Variants in WDFY2 observed in about 807,000 individuals in gnomAD.
The protein encoded by WDFY2 is WD repeat and FYVE domain containing 2.
In WDFY2, 36 loss-of-function variants were observed where a neutral mutation model predicts 56.4. The observed-to-expected ratio is 0.64, with a 90% CI of 0.49 to 0.84. The LOEUF is 0.84. Among genes scored for constraint, WDFY2 ranks in the 40% least tolerant of loss-of-function variants. The pLI, the probability that WDFY2 is intolerant of heterozygous loss-of-function variation, is 0.00. For synonymous variants in WDFY2, 176 were observed against 183.7 expected (o/e 0.96, Z 0.34); for missense variants, 444 against 512.2 (o/e 0.87, Z 1.29).
intron 6 of WDFY2, among the ~76,000 whole-genome samples, chr13:51,731,222 C>G (rs1368382947): frequency 6.6e-6 from 1 of 152,190 alleles, no homozygotes; most frequent in East Asian, 1.9e-4. Context: ...CTAAAGTAAT[C>G]AGGCACTCAC....
intron 1 of WDFY2, among the ~76,000 whole-genome samples, chr13:51,601,666 TTGGCC>T (rs1047594274): frequency 4.7e-4 from 71 of 152,330 alleles, no homozygotes; most frequent in African/African-American, 1.7e-3. Flanking sequence ...TCCACCCGCC[TTGGCC>T]TCCCAACTAG....
At chr13:51,675,088 C>T (rs1955863710) in intron 2 of WDFY2, 82 bp from the exon 3 acceptor site, 1 of 1,278,110 alleles carries the variant, frequency 7.8e-7, no homozygotes, top group Non-Finnish European at 1.1e-6. Context: ...AGTACAGCCC[C>T]ACACTTTTAG....
chr13:51,737,545 T>G (rs1162372929), intron 6 of WDFY2, among the ~76,000 whole-genome samples: 1 of 37,442 alleles, frequency 2.7e-5, no homozygotes, highest in African/African-American at 1.2e-4. Context: ...CAGGAGACAA[T>G]GAATTTAAAA....
intron 3 of WDFY2, among the ~76,000 whole-genome samples, chr13:51,681,995 G>C (rs1407724268): frequency 6.6e-6 from 1 of 152,180 alleles, no homozygotes; most frequent in Non-Finnish European, 1.5e-5. Flanking sequence ...GATACCAAGA[G>C]CATTTTTTGA....
At chr13:51,728,937 C>T (rs1247845477) in intron 6 of WDFY2, among the ~76,000 whole-genome samples, 1 of 152,116 alleles carries the variant, frequency 6.6e-6, no homozygotes, top group Non-Finnish European at 1.5e-5. Flanking sequence ...AGACTTCAGC[C>T]TCCTCATCCT....
At position 51,762,373 on chromosome 13, in the gene WDFY2, C is replaced by A. The variant is rs1480951369; in HGVS notation, c.*2604C>A. The A allele has an allele frequency of 6.6e-6, 1 of 152,298 alleles. No individual in the cohort carries two copies. The highest frequency in any genetic ancestry group is 2.4e-5 in the African/African-American group (1 of 41,472). The allele number at this position is 152,298 out of a possible 1,614,324, so 9.4% of individuals were successfully genotyped here. ...CTCCCTCCCAGCCCACAGAGCCACT[C>A]AGAGGCTGAAGCCACTTCACAGCCC... On this transcript the variant is annotated 3_prime_UTR_variant, in exon 12 of 12. Transcript: ENST00000298125.
At chr13:51,677,772 C>G (rs1013606053) in intron 3 of WDFY2, among the ~76,000 whole-genome samples, 1 of 151,950 alleles carries the variant, frequency 6.6e-6, no homozygotes, top group Admixed American at 6.6e-5. Context: ...AGTGTGAGTA[C>G]TGGAGCAAGA....
chr13:51,668,115 G>A (rs1175604746), intron 2 of WDFY2, among the ~76,000 whole-genome samples: 2 of 151,784 alleles, frequency 1.3e-5, no homozygotes, highest in South Asian at 2.1e-4. Flanking sequence ...TCCTGACTTC[G>A]TGATGCACCT....
chr13:51,751,225 C>T (rs1953227695), intron 7 of WDFY2, 85 bp from the exon 8 acceptor site: 1 of 1,317,868 alleles, frequency 7.6e-7, no homozygotes, highest in African/African-American at 1.5e-5. Context: ...TGAGTGAGCA[C>T]ATTGGCTGAC....
chr13:51,733,282 C>A (rs1593460377), intron 6 of WDFY2, among the ~76,000 whole-genome samples: 1 of 152,194 alleles, frequency 6.6e-6, no homozygotes, highest in African/African-American at 2.4e-5. Context: ...GGTGATCCGC[C>A]CACTTCAGCC....
At chr13:51,633,069 T>C (rs1954982826) in intron 1 of WDFY2, among the ~76,000 whole-genome samples, 1 of 152,210 alleles carries the variant, frequency 6.6e-6, no homozygotes, top group Non-Finnish European at 1.5e-5. Context: ...GGGCAGACTT[T>C]GTCTTTGTTC....
At chr13:51,696,850 G>T (rs989897217) in intron 3 of WDFY2, among the ~76,000 whole-genome samples, 1 of 152,186 alleles carries the variant, frequency 6.6e-6, no homozygotes, top group Non-Finnish European at 1.5e-5. Context: ...TACATAAAAT[G>T]CAGAACTTCC....
Position 51,763,794 on chromosome 13 carries a change from A to C in WDFY2, c.*4025A>C, listed in dbSNP as rs1239456496. The C allele has an allele frequency of 6.6e-6, 1 of 152,162 alleles. No homozygotes were observed. Among genetic ancestry groups the C allele is most frequent in the Non-Finnish European group, 1.5e-5 (1 of 67,998 alleles). The allele number at this position is 152,162 out of a possible 1,614,324, so 9.4% of individuals were successfully genotyped here. ...GCCTGGGCAGCAGAGCAAGGCCCTG[A>C]ATAAATAAACAAAAGTATAATTTAT... On this transcript the variant is annotated 3_prime_UTR_variant, in exon 12 of 12. Transcript: ENST00000298125.
chr13:51,756,545 T>C, intron 10 of WDFY2, 83 bp downstream of exon 10: 1 of 1,501,312 alleles, frequency 6.7e-7, no homozygotes, highest in Admixed American at 2.2e-5. Context: ...CAACCATCAC[T>C]CAGGTTGCTC....
At chr13:51,685,743 A>G (rs1032550390) in intron 3 of WDFY2, among the ~76,000 whole-genome samples, 1 of 152,146 alleles carries the variant, frequency 6.6e-6, no homozygotes, top group African/African-American at 2.4e-5. Context: ...TCCATGGTTC[A>G]AGGGTCAATG....
At chr13:51,676,804 A>G (rs74862565) in intron 3 of WDFY2, among the ~76,000 whole-genome samples, 2 of 152,218 alleles carry the variant, frequency 1.3e-5, no homozygotes, top group African/African-American at 2.4e-5. Context: ...AGGTGTGCAT[A>G]TGAGATAAAT....
chr13:51,708,179 G>A (rs990490255), intron 4 of WDFY2, among the ~76,000 whole-genome samples: 1 of 151,560 alleles, frequency 6.6e-6, no homozygotes, highest in African/African-American at 2.4e-5. Flanking sequence ...ACCACTCCTG[G>A]CCCAAAGCAA....
chr13:51,611,959 G>A (rs1954511905), intron 1 of WDFY2, among the ~76,000 whole-genome samples: 1 of 152,140 alleles, frequency 6.6e-6, no homozygotes, highest in African/African-American at 2.4e-5. Flanking sequence ...TTGACTGGCT[G>A]AATATGGCAG....
In WDFY2 at chr13:51,594,863, T is replaced by G. The variant is rs1954116519; in HGVS notation, c.137+10039T>G. On this transcript the variant is annotated intron_variant, in intron 1 of 11. Coordinates refer to ENST00000298125, the MANE Select transcript of WDFY2 (RefSeq NM_052950.4). ...AGTTGGTGCTCAGTGAAAGTTTGTTTTATTTTTTGTTTATAACACCAGCAC... is the reference window on the plus strand; with the variant it reads ...AGTTGGTGCTCAGTGAAAGTTTGTTGTATTTTTTGTTTATAACACCAGCAC... 2.0e-5 allele frequency among the ~76,000 whole-genome samples: 3 copies of G among 152,220 alleles called. No individual in the cohort carries two copies. The South Asian group carries it at 6.2e-4, about 31-fold the overall frequency.
Sources: gnomAD v4.1 joint callset for allele counts (sites outside exome capture counted in the v4.1 genomes callset) on GRCh38, gnomAD v4.1.1 for gene constraint, MANE v1.5 for transcripts, NCBI Gene and HGNC (gene_info 2026-07-23, HGNC 2026-07-21) for gene names.